TEAD1: variants seen among roughly 807,000 people sequenced by gnomAD.
TEAD1 encodes the protein TEA domain transcription factor 1, also known as transcriptional enhancer factor TEF-1.
A neutral mutation model predicts 54.9 loss-of-function variants in TEAD1; 9 were observed. That is an observed-to-expected ratio of 0.16 (90% CI 0.10 to 0.29). The LOEUF is 0.29. TEAD1 is among the 10% of genes least tolerant of loss of function. The pLI is 1.00. For synonymous variants in TEAD1, 200 were observed against 187.8 expected, an observed-to-expected ratio of 1.07 and a Z score of -0.53; for missense variants, 387 against 535.9, an observed-to-expected ratio of 0.72 and a Z score of 2.74.
At chr11:12,742,434 G>T (rs1000931567) in intron 2 of TEAD1, among the ~76,000 whole-genome samples, 1 of 152,172 alleles carries the variant, frequency 6.6e-6, no homozygotes, top group African/African-American at 2.4e-5. Context: ...GAGGTTTTGG[G>T]GGTGAGAGGG....
chr11:12,884,339 A>C (rs762398264), intron 9 of TEAD1, among the ~76,000 whole-genome samples: 1 of 152,158 alleles, frequency 6.6e-6, no homozygotes, highest in East Asian at 1.9e-4. Context: ...GATCCTCACC[A>C]ACTCTCACCA....
chr11:12,845,937 A>T (rs1590206999), intron 3 of TEAD1, among the ~76,000 whole-genome samples: 1 of 152,250 alleles, frequency 6.6e-6, no homozygotes, highest in African/African-American at 2.4e-5. Context: ...GCGCCTTTCC[A>T]AGCCTGTGAA....
chr11:12,873,137 C>T (rs931734060), intron 5 of TEAD1, among the ~76,000 whole-genome samples: 1 of 152,188 alleles, frequency 6.6e-6, no homozygotes, highest in Non-Finnish European at 1.5e-5. Context: ...TGTCTCCCTC[C>T]ACTGAGCCCT....
intron 3 of TEAD1, among the ~76,000 whole-genome samples, chr11:12,855,524 G>A (rs531157468): frequency 7.9e-5 from 12 of 152,158 alleles, no homozygotes; most frequent in East Asian, 7.8e-4. Flanking sequence ...TCCTGACTGC[G>A]TGATCCACCT....
intron 3 of TEAD1, chr11:12,822,659 T>A (rs1261407260): frequency 1.3e-5 from 2 of 152,232 alleles, no homozygotes; most frequent in African/African-American, 4.8e-5. Flanking sequence ...TGCACTCCTA[T>A]AAGCTAAGCA....
intron 10 of TEAD1, among the ~76,000 whole-genome samples, chr11:12,913,180 A>C (rs1948647357): frequency 1.3e-5 from 2 of 152,166 alleles, no homozygotes; most frequent in Admixed American, 6.5e-5. Context: ...TTAAAACTGA[A>C]CCTAGGCCCT....
chr11:12,926,742 A>G (rs144849884), intron 11 of TEAD1, among the ~76,000 whole-genome samples: 1 of 152,160 alleles, frequency 6.6e-6, no homozygotes, highest in Admixed American at 6.5e-5. Context: ...AAGTAGAGGG[A>G]GACATAAACA....
In TEAD1 at chr11:12,788,167, C is replaced by T. The variant is rs540318995; in HGVS notation, c.202+23733C>T. The stretch of plus-strand genomic sequence containing the variant: ...TTTTTTTTTTTTTTGGACGGAGTCT[C>T]GTTCTGTTACTCAGGCTGGAGTGCA... On this transcript the variant is annotated intron_variant, in intron 3 of 12. Transcript: ENST00000527636. Among the ~76,000 whole-genome samples, 33 of 147,808 alleles carry T rather than the reference C, an allele frequency of 2.2e-4. No individual in the cohort carries two copies. In the South Asian group the frequency reaches 6.8e-3, roughly 30 times the overall value.
intron 3 of TEAD1, among the ~76,000 whole-genome samples, chr11:12,833,879 C>G (rs1946830658): frequency 6.6e-6 from 1 of 152,142 alleles, no homozygotes; most frequent in Admixed American, 6.5e-5. Context: ...AAATTAGCTG[C>G]CCCCTCCTTG....
chr11:12,906,888 T>G (rs1948531079), intron 10 of TEAD1, among the ~76,000 whole-genome samples: 1 of 152,180 alleles, frequency 6.6e-6, no homozygotes, highest in Non-Finnish European at 1.5e-5. Context: ...ACATTTTGCT[T>G]TGTTCATTCA....
chr11:12,831,975 A>G (rs1431693634), intron 3 of TEAD1, among the ~76,000 whole-genome samples: 1 of 152,142 alleles, frequency 6.6e-6, no homozygotes, highest in Non-Finnish European at 1.5e-5. Flanking sequence ...GAGGTAGGAA[A>G]GCTGCCCCCC....
Position 12,916,211 on chromosome 11 carries a change from A to G in TEAD1, c.874-8701A>G, listed in dbSNP as rs1030467038. Among the ~76,000 whole-genome samples the G allele has an allele frequency of 2.0e-5, 3 of 152,136 alleles. No homozygotes were observed. The East Asian group carries it at 5.8e-4, about 29-fold the overall frequency. ...TCTAATCATGCCTTTTGAGAAATTT[A>G]TACCTGTTTGAGCTGTTATACTCAA... On this transcript the variant is annotated intron_variant, in intron 10 of 12. Coordinates refer to ENST00000527636, the MANE Select transcript of TEAD1 (RefSeq NM_021961.6).
chr11:12,864,758 G>A, intron 4 of TEAD1, 80 bp from the exon 5 acceptor site: 5 of 1,612,308 alleles, frequency 3.1e-6, no homozygotes, highest in Non-Finnish European at 4.2e-6. Context: ...GGTACGTCTG[G>A]CTTGCCCACT....
chr11:12,720,372 G>A (rs888393770), intron 2 of TEAD1, among the ~76,000 whole-genome samples: 24 of 152,138 alleles, frequency 1.6e-4, no homozygotes, highest in African/African-American at 5.3e-4. Flanking sequence ...TAGTCTGCAT[G>A]CTTGTGATTT....
At chr11:12,691,089 A>G (rs1472407714) in intron 2 of TEAD1, among the ~76,000 whole-genome samples, 1 of 152,194 alleles carries the variant, frequency 6.6e-6, no homozygotes, top group Non-Finnish European at 1.5e-5. Flanking sequence ...CTTAGCAACT[A>G]TATGGTTAAC....
chr11:12,786,566 G>A lies in TEAD1; in HGVS notation c.202+22132G>A, dbSNP rs571226117. ...CCATGCCGTGGTTATATTTTATATAGCAACTCTACTTAGTAAGGACTGGCC... is the reference window on the plus strand; with the variant it reads ...CCATGCCGTGGTTATATTTTATATAACAACTCTACTTAGTAAGGACTGGCC... On this transcript the variant is annotated intron_variant, in intron 3 of 12. Coordinates refer to ENST00000527636, the MANE Select transcript of TEAD1 (RefSeq NM_021961.6). Among the ~76,000 whole-genome samples the A allele has an allele frequency of 9.2e-5, 14 of 152,290 alleles. 1 individual carries two copies. The South Asian group carries it at 2.9e-3, about 32-fold the overall frequency.
intron 2 of TEAD1, among the ~76,000 whole-genome samples, chr11:12,723,134 G>A (rs1462804893): frequency 1.3e-5 from 2 of 152,056 alleles, no homozygotes; most frequent in Non-Finnish European, 2.9e-5. Flanking sequence ...TTGCTAAATT[G>A]CTTTCCAAAA....
At chr11:12,754,223 G>A (rs1944938476) in intron 2 of TEAD1, among the ~76,000 whole-genome samples, 1 of 152,150 alleles carries the variant, frequency 6.6e-6, no homozygotes, top group Admixed American at 6.6e-5. Flanking sequence ...TATTCAAACA[G>A]GTTCATTTTA....
intron 9 of TEAD1, among the ~76,000 whole-genome samples, chr11:12,887,088 T>G (rs2028402): frequency 0.62 from 60,567 of 97,250 alleles, 14,666 homozygotes; most frequent in Admixed American, 0.68. Context: ...TTTGTTTTTT[T>G]TTTTGTTTGT....
Sources: allele counts gnomAD v4.1 joint callset (sites outside exome capture counted in the v4.1 genomes callset), GRCh38; gene constraint gnomAD v4.1.1; transcripts MANE v1.5; gene names NCBI Gene and HGNC (gene_info 2026-07-23, HGNC 2026-07-21).